The following NCALD variants were observed in gnomAD, a reference collection of about 807,000 sequenced individuals.
The protein encoded by NCALD is neurocalcin delta, also known as neurocalcin-delta.
NCALD carries 10 observed loss-of-function variants against 18.6 expected under a neutral mutation model. The ratio of observed to expected loss-of-function variants is 0.54; its 90% confidence interval spans 0.33 to 0.91. NCALD has a LOEUF of 0.91. Ranked by LOEUF, NCALD falls within the 40% of genes least tolerant of loss-of-function variation. The probability of loss-of-function intolerance (pLI) is 0.03; values close to 1 mark genes in which losing one functional copy is unlikely to be tolerated. For missense variants in NCALD, 184 were observed against 247.6 expected (o/e 0.74, Z 1.72); for synonymous variants, 88 against 87.4 (o/e 1.01, Z -0.04).
At chr8:101,922,931 T>C (rs1818216140) in intron 2 of NCALD, among the ~76,000 whole-genome samples, 2 of 152,102 alleles carry the variant, frequency 1.3e-5, no homozygotes, top group Admixed American at 1.3e-4. Flanking sequence ...TCTATTTCTC[T>C]CTCTCTCAAA....
chr8:101,692,832 C>CT lies in NCALD; in HGVS notation c.442dup (p.Arg148LysfsTer13). 1 of 1,613,914 alleles carries CT rather than the reference C, an allele frequency of 6.2e-7. No individual in the cohort carries two copies. The highest frequency in any genetic ancestry group is 8.5e-7 in the Non-Finnish European group (1 of 1,179,836). Reference sequence around the variant, plus strand: ...CATCTGGCGGAAGATCTTTTCTGTTCTTTTCTCTGGGGTTGACTCATCTTC... The same window carrying CT: ...CATCTGGCGGAAGATCTTTTCTGTTCTTTTTCTCTGGGGTTGACTCATCTTC... On this transcript the variant is annotated frameshift_variant, in exon 3 of 4. Transcript: ENST00000220931. LOFTEE classifies it high-confidence loss of function.
rs1452890518 is a variant in NCALD at position 101,893,793 on chromosome 8, C to G, written c.-106-6566G>C. ...GGCCATTACATAATGGTAAAGGGAT[C>G]AATTCAACAAGAAGAGCTAACTATC... On this transcript the variant is annotated intron_variant, in intron 3 of 6. Coordinates refer to the NCALD transcript ENST00000311028. Among the ~76,000 whole-genome samples, 135 of 131,340 alleles carry G rather than the reference C, an allele frequency of 1.0e-3. 1 individual carries two copies. Among genetic ancestry groups the G allele is most frequent in the African/African-American group, 2.8e-3 (85 of 29,924 alleles). The allele number at this position is 131,340 out of a possible 152,430, so 86.2% of individuals were successfully genotyped here. A position where few individuals can be genotyped will look rare whatever the true frequency, so the allele number is the denominator to read the frequency against.
chr8:102,000,878 G>A (rs1454711346), intron 2 of NCALD, among the ~76,000 whole-genome samples: 3 of 152,158 alleles, frequency 2.0e-5, no homozygotes, highest in African/African-American at 4.8e-5. Flanking sequence ...CCATCTGTAC[G>A]TCACCATCAT....
intron 2 of NCALD, among the ~76,000 whole-genome samples, chr8:101,931,411 TC>T (rs1459881246): frequency 6.6e-6 from 1 of 152,168 alleles, no homozygotes; most frequent in Non-Finnish European, 1.5e-5. Context: ...ATACTGTGTA[TC>T]TGATGCCACA....
chr8:102,105,803 G>A (rs375176484), intron 1 of NCALD, among the ~76,000 whole-genome samples: 1 of 152,084 alleles, frequency 6.6e-6, no homozygotes, highest in Non-Finnish European at 1.5e-5. Context: ...GACCTGCTGG[G>A]TGCGACTCCT....
intron 1 of NCALD, among the ~76,000 whole-genome samples, chr8:101,766,058 C>T (rs1274351903): frequency 6.6e-6 from 1 of 152,118 alleles, no homozygotes; most frequent in African/African-American, 2.4e-5. Flanking sequence ...GGTCCCTTGC[C>T]CGCAACCCAC....
chr8:101,883,856 T>C (rs1816578412), intron 4 of NCALD, among the ~76,000 whole-genome samples: 1 of 152,220 alleles, frequency 6.6e-6, no homozygotes, highest in Non-Finnish European at 1.5e-5. Context: ...GGAACAGGGA[T>C]TTTGTCTTGG....
intron 4 of NCALD, among the ~76,000 whole-genome samples, chr8:101,857,331 C>A (rs1009979787): frequency 6.6e-6 from 1 of 152,136 alleles, no homozygotes; most frequent in Non-Finnish European, 1.5e-5. Context: ...GCATGAATTT[C>A]CAGCATGGCT....
intron 2 of NCALD, among the ~76,000 whole-genome samples, chr8:101,935,045 A>G (rs1818710467): frequency 6.6e-6 from 1 of 152,188 alleles, no homozygotes; most frequent in Non-Finnish European, 1.5e-5. Flanking sequence ...AAAGATCACA[A>G]GAAGAATTAA....
intron 4 of NCALD, among the ~76,000 whole-genome samples, chr8:101,878,168 G>A (rs1325582930): frequency 6.6e-6 from 1 of 152,200 alleles, no homozygotes; most frequent in Non-Finnish European, 1.5e-5. Flanking sequence ...GAAGCATTCA[G>A]TGAAAACTAT....
In NCALD at chr8:101,719,525, C is replaced by G; in HGVS notation, c.105G>C (p.Leu35Phe). ...HEIQEWYKGF[L>F]RDCPSGHLSM... ...ACAAATGTCCACTGGGGCAGTCTCT[C>G]AAGAAGCCTTTATACCATTCCTGGA... is the stretch of plus-strand genomic sequence containing the variant. The change falls in exon 2 of 4, where the codon TTG (leucine) becomes TTC (phenylalanine). Residue 35 changes from leucine to phenylalanine, a missense_variant. Transcript: ENST00000220931. The G allele has an allele frequency of 1.9e-6, 3 of 1,614,242 alleles. No individual in the cohort carries two copies. Among genetic ancestry groups the G allele is most frequent in the Non-Finnish European group, 2.5e-6 (3 of 1,180,038 alleles).
chr8:102,036,751 G>C (rs1009947103), intron 1 of NCALD, among the ~76,000 whole-genome samples: 2 of 151,746 alleles, frequency 1.3e-5, no homozygotes, highest in African/African-American at 4.8e-5. Flanking sequence ...CTCCAGCCTG[G>C]GTGATATCTC....
At chr8:102,058,302 G>A (rs189044583) in intron 1 of NCALD, among the ~76,000 whole-genome samples, 29 of 152,242 alleles carry the variant, frequency 1.9e-4, no homozygotes, top group Admixed American at 5.2e-4. Flanking sequence ...ATTGAAAAGC[G>A]TATCTATTGC....
intron 2 of NCALD, among the ~76,000 whole-genome samples, chr8:101,995,660 A>G (rs1312114936): frequency 2.0e-5 from 3 of 152,096 alleles, no homozygotes; most frequent in African/African-American, 7.2e-5. Context: ...TGAGGGATTC[A>G]CCCCCATGAT....
In NCALD at chr8:101,686,768, C is replaced by T. The variant is rs1814490818; in HGVS notation, c.*2541G>A. Reference sequence around the variant, plus strand: ...GGTCGTAAGCCACTTTATTCCAGTCCCTTGAACATCACAGGCTGGTTTTAT... The same window carrying T: ...GGTCGTAAGCCACTTTATTCCAGTCTCTTGAACATCACAGGCTGGTTTTAT... On this transcript the variant is annotated 3_prime_UTR_variant, in exon 4 of 4. Transcript: ENST00000220931. 1 of 152,582 alleles carries T rather than the reference C, an allele frequency of 6.6e-6. No individual in the cohort carries two copies. The highest frequency in any genetic ancestry group is 2.4e-5 in the African/African-American group (1 of 41,392). The allele number at this position is 152,582 out of a possible 1,614,324, so 9.5% of individuals were successfully genotyped here.
chr8:101,753,244 T>C (rs1810732081), intron 1 of NCALD, among the ~76,000 whole-genome samples: 1 of 152,132 alleles, frequency 6.6e-6, no homozygotes, highest in African/African-American at 2.4e-5. Context: ...AAGGGCTGAC[T>C]GGTGGATGAA....
intron 2 of NCALD, among the ~76,000 whole-genome samples, chr8:102,002,392 C>G (rs577762043): frequency 6.6e-6 from 1 of 152,078 alleles, no homozygotes; most frequent in Non-Finnish European, 1.5e-5. Flanking sequence ...TCTTAGAGAC[C>G]TAGAAAGAGA....
At chr8:102,082,176 T>A (rs1824561561) in intron 1 of NCALD, among the ~76,000 whole-genome samples, 1 of 151,716 alleles carries the variant, frequency 6.6e-6, no homozygotes, top group Non-Finnish European at 1.5e-5. Context: ...TGGTGCTTAT[T>A]ATTCTCAAAT....
chr8:101,991,678 G>A (rs1327854648), intron 2 of NCALD, among the ~76,000 whole-genome samples: 2 of 152,170 alleles, frequency 1.3e-5, no homozygotes, highest in Non-Finnish European at 2.9e-5. Context: ...ATACAGCTCA[G>A]CGAACCATCC....
Sources: gnomAD v4.1 joint callset for allele counts (sites outside exome capture counted in the v4.1 genomes callset) on GRCh38, gnomAD v4.1.1 for gene constraint, MANE v1.5 for transcripts, NCBI Gene and HGNC (gene_info 2026-07-23, HGNC 2026-07-21) for gene names.